The following ZBTB44 variants were observed in gnomAD, a reference collection of about 807,000 sequenced individuals.
ZBTB44 encodes zinc finger and BTB domain-containing protein 44.
Under a neutral mutation model 54.0 loss-of-function variants are expected in ZBTB44, and 15 were observed. The ratio of observed to expected loss-of-function variants is 0.28; its 90% CI spans 0.19 to 0.43. The LOEUF is 0.43. Ranked by LOEUF, ZBTB44 falls within the 20% of genes least tolerant of loss-of-function variation. ZBTB44 has a pLI of 1.00. For synonymous variants in ZBTB44, 230 were observed against 250.1 expected, an observed-to-expected ratio of 0.92 and a Z score of 0.76; for missense variants, 487 against 707.1, an observed-to-expected ratio of 0.69 and a Z score of 3.53.
At chr11:130,263,487 A>G (rs1188484077) in intron 1 of ZBTB44, among the ~76,000 whole-genome samples, 1 of 152,234 alleles carries the variant, frequency 6.6e-6, no homozygotes, top group African/African-American at 2.4e-5. Flanking sequence ...GGCTGAGGGA[A>G]GAAACATGCT....
At chr11:130,277,982 T>G (rs1207154300) in intron 1 of ZBTB44, among the ~76,000 whole-genome samples, 1 of 152,228 alleles carries the variant, frequency 6.6e-6, no homozygotes, top group African/African-American at 2.4e-5. Context: ...CCATTAATCC[T>G]ACAGTGGTTC....
chr11:130,276,391 C>T (rs866226182), intron 1 of ZBTB44, among the ~76,000 whole-genome samples: 11 of 151,456 alleles, frequency 7.3e-5, no homozygotes, highest in Middle Eastern at 3.4e-3. Context: ...TGGTTTATAG[C>T]GTCTATTTAC....
At chr11:130,286,758 A>C (rs1396220188) in intron 1 of ZBTB44, among the ~76,000 whole-genome samples, 1 of 152,222 alleles carries the variant, frequency 6.6e-6, no homozygotes, top group African/African-American at 2.4e-5. Context: ...TTTAGTTCAG[A>C]CAGACCTGCA....
chr11:130,311,255 G>A (rs1054966160), intron 1 of ZBTB44, among the ~76,000 whole-genome samples: 1 of 151,574 alleles, frequency 6.6e-6, no homozygotes, highest in African/African-American at 2.4e-5. Flanking sequence ...CATCCAGGCT[G>A]AAGTGCAGTG....
chr11:130,278,480 A>AT (rs1445593687), intron 1 of ZBTB44, among the ~76,000 whole-genome samples: 2 of 152,110 alleles, frequency 1.3e-5, no homozygotes, highest in African/African-American at 2.4e-5. Flanking sequence ...TTCTGCCACT[A>AT]TTTGAGTGTT....
intron 1 of ZBTB44, among the ~76,000 whole-genome samples, chr11:130,287,661 A>T (rs1344471746): frequency 1.3e-5 from 2 of 152,236 alleles, no homozygotes; most frequent in Non-Finnish European, 2.9e-5. Context: ...TATGAAGATG[A>T]TATACCTACA....
intron 2 of ZBTB44, among the ~76,000 whole-genome samples, chr11:130,260,039 A>T (rs1013037290): frequency 6.6e-6 from 1 of 152,164 alleles, no homozygotes; most frequent in African/African-American, 2.4e-5. Context: ...TAAAGAAAAA[A>T]TAAATAAAAC....
intron 2 of ZBTB44, among the ~76,000 whole-genome samples, chr11:130,259,506 A>G (rs1938692981): frequency 6.6e-6 from 1 of 152,340 alleles, no homozygotes; most frequent in South Asian, 2.1e-4. Flanking sequence ...ATGCGCACAT[A>G]TGTTTACTGC....
intron 1 of ZBTB44, among the ~76,000 whole-genome samples, chr11:130,289,315 T>C (rs967965394): frequency 6.6e-6 from 1 of 151,982 alleles, no homozygotes; most frequent in African/African-American, 2.4e-5. Flanking sequence ...AAACCCCGTC[T>C]CTACTAAAAA....
intron 2 of ZBTB44, among the ~76,000 whole-genome samples, chr11:130,249,652 A>C (rs1937831622): frequency 6.6e-6 from 1 of 152,204 alleles, no homozygotes; most frequent in Admixed American, 6.5e-5. Context: ...GGGTGAGCAG[A>C]AGCAGGGTGG....
chr11:130,289,431 G>A (rs1169772877), intron 1 of ZBTB44, among the ~76,000 whole-genome samples: 2 of 148,292 alleles, frequency 1.3e-5, no homozygotes, highest in East Asian at 2.0e-4. Context: ...GCAGTGAGCC[G>A]AGATCCCACT....
At chr11:130,290,891 C>T (rs1015509449) in intron 1 of ZBTB44, among the ~76,000 whole-genome samples, 3 of 152,152 alleles carry the variant, frequency 2.0e-5, no homozygotes, top group African/African-American at 7.2e-5. Context: ...TAAACTTTCT[C>T]GCTATTTTAT....
At chr11:130,256,938 G>A (rs1008139933) in intron 2 of ZBTB44, among the ~76,000 whole-genome samples, 1 of 152,204 alleles carries the variant, frequency 6.6e-6, no homozygotes, top group Non-Finnish European at 1.5e-5. Flanking sequence ...CAAATAGGAA[G>A]AGAGGAAGTC....
At chr11:130,264,527 G>C (rs1392286760) in intron 1 of ZBTB44, among the ~76,000 whole-genome samples, 1 of 152,142 alleles carries the variant, frequency 6.6e-6, no homozygotes, top group South Asian at 2.1e-4. Flanking sequence ...CAGGAAGCTG[G>C]AGAACTAACT....
chr11:130,283,183 A>C (rs1006787770), intron 1 of ZBTB44, among the ~76,000 whole-genome samples: 21 of 151,914 alleles, frequency 1.4e-4, no homozygotes, highest in African/African-American at 4.8e-4. Context: ...TGGATGGGAT[A>C]ACAGGTGTAC....
chr11:130,287,439 G>A (rs963504945), intron 1 of ZBTB44, among the ~76,000 whole-genome samples: 6 of 152,114 alleles, frequency 3.9e-5, no homozygotes, highest in African/African-American at 1.2e-4. Flanking sequence ...TTTTTTCTCT[G>A]TGCTTAGTTT....
chr11:130,305,831 T>G (rs1942236126), intron 1 of ZBTB44, among the ~76,000 whole-genome samples: 1 of 151,778 alleles, frequency 6.6e-6, no homozygotes, highest in Non-Finnish European at 1.5e-5. Flanking sequence ...GGTAGAAAAT[T>G]TTTGCAAAGT....
chr11:130,289,013 A>AGTTCC (rs1941143428), intron 1 of ZBTB44, among the ~76,000 whole-genome samples: 1 of 152,236 alleles, frequency 6.6e-6, no homozygotes, highest in Admixed American at 6.5e-5. Context: ...ACAGAAAGAC[A>AGTTCC]GTTCCACATC....
At chr11:130,273,307 A>T (rs1445067162) in intron 1 of ZBTB44, among the ~76,000 whole-genome samples, 20 of 126,278 alleles carry the variant, frequency 1.6e-4, no homozygotes, top group East Asian at 6.9e-4. Flanking sequence ...TATTTTCTTA[A>T]TTTTTTTTTT....
Sources: gnomAD v4.1 joint callset for allele counts (sites outside exome capture counted in the v4.1 genomes callset) on GRCh38, gnomAD v4.1.1 for gene constraint, MANE v1.5 for transcripts, NCBI Gene and HGNC (gene_info 2026-07-23, HGNC 2026-07-21) for gene names.